Variants in LDLRAD4 observed in about 807,000 individuals in gnomAD.
The protein encoded by LDLRAD4 is low density lipoprotein receptor class A domain containing 4, also known as low-density lipoprotein receptor class A domain-containing protein 4.
In LDLRAD4, 5 loss-of-function variants were observed where a neutral mutation model predicts 17.0. The observed-to-expected ratio is 0.29, with a 90% CI of 0.15 to 0.62. The LOEUF (loss-of-function observed/expected upper bound fraction) is 0.62, where lower values mean the gene tolerates loss of function less well. Ranked by LOEUF, LDLRAD4 falls within the 20% of genes least tolerant of loss-of-function variation. LDLRAD4 has a pLI of 0.84. For synonymous variants in LDLRAD4, 168 were observed against 171.8 expected, an observed-to-expected ratio of 0.98 and a Z score of 0.17; for missense variants, 340 against 424.7, an observed-to-expected ratio of 0.80 and a Z score of 1.75.
At chr18:13,619,739 C>T (rs992414112) in intron 3 of LDLRAD4, among the ~76,000 whole-genome samples, 1 of 152,140 alleles carries the variant, frequency 6.6e-6, no homozygotes, top group African/African-American at 2.4e-5. Context: ...CTGCTCAGGG[C>T]ATGGCCTCTG....
chr18:13,406,021 C>T (rs547572619), intron 2 of LDLRAD4, among the ~76,000 whole-genome samples: 2 of 152,342 alleles, frequency 1.3e-5, no homozygotes, highest in African/African-American at 2.4e-5. Context: ...TTGAAAACAG[C>T]GATATCACAT....
chr18:13,262,010 G>T (rs1347832981), intron 1 of LDLRAD4, among the ~76,000 whole-genome samples: 1 of 151,468 alleles, frequency 6.6e-6, no homozygotes, highest in Non-Finnish European at 1.5e-5. Flanking sequence ...GGCTCTGTGC[G>T]TGGGGGCTGA....
rs937565220 is a variant in LDLRAD4 at position 13,526,047 on chromosome 18, T to A, written c.181+87663T>A. On this transcript the variant is annotated intron_variant, in intron 3 of 5. Transcript: ENST00000359446. ...CATGGACTCAGTCGCGATTTGGGAA[T>A]TTTATTATATTTTATTTTGGGGGGA... 9 of 152,230 alleles carry A rather than the reference T, an allele frequency of 5.9e-5. No individual in the cohort carries two copies. The East Asian group carries it at 1.7e-3, about 29-fold the overall frequency. 9.4% of individuals were successfully genotyped at this position (152,230 alleles called of 1,614,324 possible).
chr18:13,437,084 G>A (rs1362303293), intron 2 of LDLRAD4, among the ~76,000 whole-genome samples: 1 of 152,230 alleles, frequency 6.6e-6, no homozygotes, highest in Non-Finnish European at 1.5e-5. Flanking sequence ...GGTTAGCATC[G>A]CTGGAAGAGG....
At chr18:13,244,511 G>A (rs569580788) in intron 1 of LDLRAD4, among the ~76,000 whole-genome samples, 1 of 152,278 alleles carries the variant, frequency 6.6e-6, no homozygotes, top group Non-Finnish European at 1.5e-5. Flanking sequence ...TTAGGGTAAA[G>A]GCCCCAAGTT....
intron 3 of LDLRAD4, among the ~76,000 whole-genome samples, chr18:13,590,021 G>A (rs974840525): frequency 1.3e-4 from 19 of 145,324 alleles, no homozygotes; most frequent in African/African-American, 4.8e-4. Flanking sequence ...GGCTGTGCAT[G>A]TGTATGGGTG....
intron 1 of LDLRAD4, among the ~76,000 whole-genome samples, chr18:13,303,224 A>C (rs2046708145): frequency 6.6e-6 from 1 of 152,146 alleles, no homozygotes; most frequent in South Asian, 2.1e-4. Context: ...TGAGGGGGAA[A>C]TAGGTTAACT....
At chr18:13,479,276 T>C (rs1261073405) in intron 3 of LDLRAD4, among the ~76,000 whole-genome samples, 1 of 152,190 alleles carries the variant, frequency 6.6e-6, no homozygotes, top group Non-Finnish European at 1.5e-5. Flanking sequence ...ATTGAGAAGC[T>C]GCACTTCATT....
rs548665859 is a variant in LDLRAD4, at chr18:13,503,742, C to G, written c.181+65358C>G. 4.0e-5 allele frequency among the ~76,000 whole-genome samples: 6 copies of G among 150,116 alleles called. No homozygotes were observed. In the South Asian group the frequency reaches 1.1e-3, roughly 26 times the overall value. ...TGGGCAGGCCTCATAGGCTGTACATCTGGCAGGAGATGAGAAAGGAAAGAC... is the reference window on the plus strand; with the variant it reads ...TGGGCAGGCCTCATAGGCTGTACATGTGGCAGGAGATGAGAAAGGAAAGAC... On this transcript the variant is annotated intron_variant, in intron 3 of 5. Transcript: ENST00000359446.
intron 3 of LDLRAD4, among the ~76,000 whole-genome samples, chr18:13,592,440 T>C (rs528403444): frequency 3.8e-4 from 58 of 152,344 alleles, no homozygotes; most frequent in African/African-American, 1.3e-3. Context: ...ACTGTCCAAC[T>C]TCCTTCCTGT....
intron 1 of LDLRAD4, among the ~76,000 whole-genome samples, chr18:13,286,406 T>C (rs576280572): frequency 6.6e-6 from 1 of 152,256 alleles, no homozygotes; most frequent in Non-Finnish European, 1.5e-5. Context: ...AGGGTCTTGC[T>C]TTGCCACCCA....
chr18:13,537,554 T>C (rs2094217017), intron 3 of LDLRAD4, among the ~76,000 whole-genome samples: 1 of 152,138 alleles, frequency 6.6e-6, no homozygotes, highest in East Asian at 1.9e-4. Flanking sequence ...GCTCAGGAGA[T>C]AATGCTCCCT....
chr18:13,302,204 C>T (rs891963082), intron 1 of LDLRAD4, among the ~76,000 whole-genome samples: 3 of 152,164 alleles, frequency 2.0e-5, no homozygotes, highest in African/African-American at 7.2e-5. Context: ...TGTTTGTTTC[C>T]TTGTTTCCAA....
intron 4 of LDLRAD4, among the ~76,000 whole-genome samples, chr18:13,635,240 G>A (rs939109686): frequency 6.6e-4 from 101 of 152,248 alleles, no homozygotes; most frequent in Admixed American, 2.5e-3. Flanking sequence ...GGTTGGGTTC[G>A]GATGAGGCCA....
chr18:13,511,996 G>A (rs1242775934), intron 3 of LDLRAD4, among the ~76,000 whole-genome samples: 1 of 152,260 alleles, frequency 6.6e-6, no homozygotes, highest in Non-Finnish European at 1.5e-5. Context: ...GCTGATGTAT[G>A]TAGTCGACAT....
At chr18:13,329,618 A>G (rs190046243) in intron 1 of LDLRAD4, among the ~76,000 whole-genome samples, 18 of 152,324 alleles carry the variant, frequency 1.2e-4, no homozygotes, top group African/African-American at 3.9e-4. Flanking sequence ...CAGGTATTCT[A>G]TTACTTTTAG....
intron 1 of LDLRAD4, among the ~76,000 whole-genome samples, chr18:13,295,990 G>A (rs1808535934): frequency 6.6e-6 from 1 of 152,230 alleles, no homozygotes; most frequent in South Asian, 2.1e-4. Context: ...CTGAGGCTGC[G>A]AGGCGGGGTG....
At chr18:13,264,830 A>G (rs2044123450) in intron 1 of LDLRAD4, among the ~76,000 whole-genome samples, 1 of 152,266 alleles carries the variant, frequency 6.6e-6, no homozygotes, top group Admixed American at 6.5e-5. Flanking sequence ...GCATTTCACA[A>G]CTGTGCTGTT....
At chr18:13,481,408 G>C (rs775175566) in intron 3 of LDLRAD4, among the ~76,000 whole-genome samples, 110 of 152,316 alleles carry the variant, frequency 7.2e-4, no homozygotes, top group Non-Finnish European at 1.4e-3. Context: ...TGAGAAGCGG[G>C]GGCACGTGTA....
Sources: allele counts gnomAD v4.1 joint callset (sites outside exome capture counted in the v4.1 genomes callset), GRCh38; gene constraint gnomAD v4.1.1; transcripts MANE v1.5; gene names NCBI Gene and HGNC (gene_info 2026-07-23, HGNC 2026-07-21).